The following DNAI3 variants were observed in gnomAD, a reference collection of about 807,000 sequenced individuals.
DNAI3 encodes the protein dynein axonemal intermediate chain 3.
A neutral mutation model predicts 115.5 loss-of-function variants in DNAI3; 83 were observed. The observed-to-expected ratio is 0.72, with a 90% CI of 0.60 to 0.86. The LOEUF (loss-of-function observed/expected upper bound fraction) is 0.86, where lower values mean the gene tolerates loss of function less well. DNAI3 is among the 40% of genes least tolerant of loss of function. DNAI3 has a pLI of 0.00. For missense variants in DNAI3, 1,004 were observed against 1,075.8 expected, an observed-to-expected ratio of 0.93 and a Z score of 0.93; for synonymous variants, 320 against 347.0, an observed-to-expected ratio of 0.92 and a Z score of 0.86.
In DNAI3 at chr1:85,086,067, G is replaced by C. The variant is rs372718872; in HGVS notation, c.740+37G>C. ...ATGGGTGTATGTAATTTTATAGCCA[G>C]TTACAGTAAAATCTAGTAACTTCCA... is the stretch of plus-strand genomic sequence containing the variant. On this transcript the variant is annotated intron_variant, in intron 7 of 22. Transcript: ENST00000294664. 4.4e-6 allele frequency: 7 copies of C among 1,583,736 alleles called. No homozygotes were observed. In the African/African-American group the frequency reaches 8.2e-5, roughly 18 times the overall value.
At chr1:85,066,573 C>A (rs969590312) in intron 1 of DNAI3, among the ~76,000 whole-genome samples, 2 of 151,882 alleles carry the variant, frequency 1.3e-5, no homozygotes, top group African/African-American at 4.8e-5. Context: ...CATGATCTGC[C>A]CGCCTCGGCC....
intron 15 of DNAI3, 55 bp downstream of exon 15, chr1:85,108,232 T>C: frequency 6.7e-7 from 1 of 1,481,724 alleles, no homozygotes; most frequent in South Asian, 1.6e-5. Flanking sequence ...CTATTTACTT[T>C]GCATGCATAG....
At chr1:85,097,526 A>G (rs769472340) in intron 11 of DNAI3, 43 bp from the exon 12 acceptor site, 3 of 1,540,154 alleles carry the variant, frequency 1.9e-6, no homozygotes, top group South Asian at 2.5e-5. Context: ...ACTCAATTAG[A>G]TATTTTCTGA....
intron 13 of DNAI3, among the ~76,000 whole-genome samples, chr1:85,102,346 A>T (rs1655353016): frequency 1.3e-5 from 2 of 152,182 alleles, no homozygotes; most frequent in Non-Finnish European, 2.9e-5. Flanking sequence ...TCGGCTATGC[A>T]TCAATAAAAA....
chr1:85,097,559 T>A lies in DNAI3; in HGVS notation c.1264-10T>A. 2 of 1,595,734 alleles carry A rather than the reference T, an allele frequency of 1.3e-6. No homozygotes were observed. Among genetic ancestry groups the A allele is most frequent in the Non-Finnish European group, 1.7e-6 (2 of 1,174,040 alleles). ...TGAAAAGGTTATGATAACATTTATT[T>A]CCATTTTAGATTGTCATGTGGGATA... is the stretch of plus-strand genomic sequence containing the variant. On this transcript the variant is annotated splice_polypyrimidine_tract_variant and intron_variant, in intron 11 of 22. Coordinates refer to ENST00000294664, the MANE Select transcript of DNAI3 (RefSeq NM_145172.5).
chr1:85,082,553 T>A, intron 5 of DNAI3, 149 bp downstream of exon 5: 13 of 642,652 alleles, frequency 2.0e-5, no homozygotes, highest in Non-Finnish European at 3.2e-5. Context: ...CAAGTGATCC[T>A]CCCACCTCAG....
intron 14 of DNAI3, among the ~76,000 whole-genome samples, chr1:85,106,359 C>T (rs1342334605): frequency 2.0e-5 from 3 of 152,088 alleles, no homozygotes; most frequent in African/African-American, 7.2e-5. Context: ...ATTTACAAAT[C>T]ATATATCTGA....
chr1:85,121,475 T>C (rs998910902), intron 17 of DNAI3, among the ~76,000 whole-genome samples: 4 of 152,230 alleles, frequency 2.6e-5, no homozygotes, highest in Non-Finnish European at 5.9e-5. Context: ...TGCCCAGCGG[T>C]TGGGACTATT....
At position 85,085,831 on chromosome 1, in the gene DNAI3, AT is replaced by A. The variant is rs759285931; in HGVS notation, c.543del (p.Thr182HisfsTer3). 3 of 1,613,688 alleles carry A rather than the reference AT, an allele frequency of 1.9e-6. No individual in the cohort carries two copies. In the South Asian group the frequency reaches 3.3e-5, roughly 18 times the overall value. On this transcript the variant is annotated frameshift_variant and splice_region_variant, in exon 7 of 23. Transcript: ENST00000294664. LOFTEE classifies it high-confidence loss of function. ...EESVTESTKQITYMISRKRSE... is the reference protein window; with the variant it reads ...EESVTESTKQXTYMISRKRSE... ...CCTTTACTGTTTACATGTGTTACAG[AT>A]TACATATATGATTTCTCGAAAACGA...
In DNAI3 at chr1:85,071,913, C is replaced by G; in HGVS notation, c.-14-15C>G. 1 of 1,592,696 alleles carries G rather than the reference C, an allele frequency of 6.3e-7. No homozygotes were observed. Among genetic ancestry groups the G allele is most frequent in the East Asian group, 2.2e-5 (1 of 44,662 alleles). ...AATTGTAACAATTTACTAATAATAT[C>G]ATCTCTTTATGCAGCCCAAGTCAGA... On this transcript the variant is annotated splice_polypyrimidine_tract_variant and intron_variant, in intron 1 of 22. Coordinates refer to ENST00000294664, the MANE Select transcript of DNAI3 (RefSeq NM_145172.5).
At position 85,108,019 on chromosome 1, in the gene DNAI3, T is replaced by C. The variant is rs1262407000; in HGVS notation, c.1554-14T>C. Reference sequence around the variant, plus strand: ...GTTTGTACTTAATAAAAAATATATATAAATTTTTTTTAGCACAATATGTTT... The same window carrying C: ...GTTTGTACTTAATAAAAAATATATACAAATTTTTTTTAGCACAATATGTTT... On this transcript the variant is annotated splice_polypyrimidine_tract_variant and intron_variant, in intron 14 of 22. Transcript: ENST00000294664. 1.4e-6 allele frequency: 2 copies of C among 1,428,106 alleles called. No homozygotes were observed. Among genetic ancestry groups the C allele is most frequent in the South Asian group, 2.8e-5 (2 of 71,926 alleles). 88.5% of individuals were successfully genotyped at this position (1,428,106 alleles called of 1,614,324 possible). A position where few individuals can be genotyped will look rare whatever the true frequency, so the allele number is the denominator to read the frequency against.
chr1:85,079,871 A>T (rs949068186), intron 3 of DNAI3, among the ~76,000 whole-genome samples: 1 of 151,902 alleles, frequency 6.6e-6, no homozygotes, highest in African/African-American at 2.4e-5. Flanking sequence ...GAGGAAAGGG[A>T]TTCCCTACCC....
Position 85,090,174 on chromosome 1 carries a change from A to C in DNAI3, c.799A>C (p.Lys267Gln). 1 of 1,595,432 alleles carries C rather than the reference A, an allele frequency of 6.3e-7. No homozygotes were observed. Among genetic ancestry groups the C allele is most frequent in the East Asian group, 2.3e-5 (1 of 44,286 alleles). The change falls in exon 8 of 23, where the codon AAA (lysine) becomes CAA (glutamine). Residue 267 changes from lysine to glutamine, a missense_variant. Around this residue, in one of 3 missense-constraint regions of DNAI3, gnomAD observed 550 missense variants for 568.1 expected, o/e 0.97. Coordinates refer to ENST00000294664, the MANE Select transcript of DNAI3 (RefSeq NM_145172.5). ...YYPREFSEEE[K>Q]ETLKQSKPLV... is the part of the protein sequence containing the mutation. ...TCCAAGAGAATTCTCAGAAGAGGAA[A>C]AAGAGACACTCAAACAATCAAAGCC...
intron 1 of DNAI3, among the ~76,000 whole-genome samples, chr1:85,069,479 T>C (rs1472225316): frequency 6.6e-6 from 1 of 152,206 alleles, no homozygotes; most frequent in African/African-American, 2.4e-5. Context: ...ACACCTAGGA[T>C]AGCATCTGGT....
chr1:85,105,071 G>T (rs1655443924), intron 14 of DNAI3, among the ~76,000 whole-genome samples: 1 of 152,162 alleles, frequency 6.6e-6, no homozygotes, highest in Admixed American at 6.5e-5. Flanking sequence ...ATAGAACTAA[G>T]AATTCGTAAT....
chr1:85,133,075 CATAT>C lies in DNAI3; in HGVS notation c.*87_*90del. The C allele has an allele frequency of 7.0e-7, 1 of 1,432,230 alleles. No homozygotes were observed. Among genetic ancestry groups the C allele is most frequent in the Non-Finnish European group, 9.4e-7 (1 of 1,063,710 alleles). The allele number at this position is 1,432,230 out of a possible 1,614,324, so 88.7% of individuals were successfully genotyped here. A position where few individuals can be genotyped will look rare whatever the true frequency, so the allele number is the denominator to read the frequency against. On this transcript the variant is annotated 3_prime_UTR_variant, in exon 23 of 23. Coordinates refer to ENST00000294664, the MANE Select transcript of DNAI3 (RefSeq NM_145172.5). Reference sequence around the variant, plus strand: ...ATGTCAGGTGAACTGGCATGCTGAACATATATATATATAGGCTCATTTATAGACT... The same window carrying C: ...ATGTCAGGTGAACTGGCATGCTGAACATATATATAGGCTCATTTATAGACT...
intron 6 of DNAI3, 124 bp downstream of exon 6, chr1:85,084,819 G>C (rs1654750918): frequency 9.7e-7 from 1 of 1,031,570 alleles, no homozygotes. Context: ...TGTTGTTTTG[G>C]TTTGCTTTTA....
Position 85,110,062 on chromosome 1 carries a change from G to A in DNAI3, c.1713G>A (p.Lys571=), listed in dbSNP as rs908019500. 7 of 1,613,334 alleles carry A rather than the reference G, an allele frequency of 4.3e-6. No homozygotes were observed. The African/African-American group carries it at 9.4e-5, about 22-fold the overall frequency. Reference sequence around the variant, plus strand: ...TCTCCCAAAAGGTAAGGCTGTCCAAGGGTGAAACAAGTTTAGACCACTGTC... The same window carrying A: ...TCTCCCAAAAGGTAAGGCTGTCCAAAGGTGAAACAAGTTTAGACCACTGTC... ...WKPLTKVRLS[K]GETSLDHCPT... is the part of the protein sequence containing the mutation. Residue 571 remains lysine, a synonymous_variant, in exon 16 of 23, where the codon AAG becomes AAA. Coordinates refer to ENST00000294664, the MANE Select transcript of DNAI3 (RefSeq NM_145172.5).
intron 7 of DNAI3, among the ~76,000 whole-genome samples, chr1:85,089,390 C>T (rs1654901034): frequency 6.7e-6 from 1 of 149,936 alleles, no homozygotes; most frequent in Non-Finnish European, 1.5e-5. Flanking sequence ...ATCAAGGGCT[C>T]ACCCAGTCTA....
Sources: gnomAD v4.1 joint callset for allele counts (sites outside exome capture counted in the v4.1 genomes callset) on GRCh38, gnomAD v4.1.1 for gene constraint, gnomAD v4.1.1 regional missense constraint, MANE v1.5 for transcripts, NCBI Gene and HGNC (gene_info 2026-07-23, HGNC 2026-07-21) for gene names.